The following ZNF469 variants were observed in gnomAD, a reference collection of about 807,000 sequenced individuals.
ZNF469 encodes zinc finger protein 469.
In ZNF469, 1 loss-of-function variant was observed where a neutral mutation model predicts 1.0. The observed-to-expected ratio is 1.00, with a 90% CI of 0.35 to 4.73. ZNF469 has a LOEUF of 4.73. Among genes scored for constraint, ZNF469 ranks in the 30% most tolerant of loss-of-function variants. The probability of loss-of-function intolerance (pLI) is 0.16; values close to 1 mark genes in which losing one functional copy is unlikely to be tolerated. For synonymous variants in ZNF469, 2,703 were observed against 2,363.4 expected (o/e 1.14, Z -4.17); for missense variants, 6,100 against 5,356.3 (o/e 1.14, Z -4.33).
chr16:88,291,382 C>T, the ZNF469 span, among the ~76,000 whole-genome samples: 47 of 152,292 alleles, frequency 3.1e-4, 2 homozygotes, highest in South Asian at 7.7e-3. Context: ...AGCTATCGGA[C>T]GTAGAAGCAG....
the ZNF469 span, among the ~76,000 whole-genome samples, chr16:88,183,973 C>T: frequency 1.2e-4 from 18 of 152,004 alleles, no homozygotes; most frequent in East Asian, 3.3e-3. Context: ...TTCCTTGCCA[C>T]CCCAGCCCTT....
chr16:88,216,355 G>A, the ZNF469 span, among the ~76,000 whole-genome samples: 6 of 152,138 alleles, frequency 3.9e-5, no homozygotes, highest in East Asian at 1.9e-4. Flanking sequence ...TTAGCCGGGC[G>A]CGGTGGTGGG....
At chr16:88,207,626 C>T in the ZNF469 span, among the ~76,000 whole-genome samples, 1 of 151,350 alleles carries the variant, frequency 6.6e-6, no homozygotes, top group Non-Finnish European at 1.5e-5. Flanking sequence ...AAATCAGCCT[C>T]CCCTAGACAT....
the ZNF469 span, among the ~76,000 whole-genome samples, chr16:88,347,017 G>A: frequency 2.0e-5 from 3 of 152,224 alleles, no homozygotes; most frequent in Admixed American, 2.0e-4. Flanking sequence ...GCTGGTTCTG[G>A]GGGGAAGTAA....
At chr16:88,110,369 G>A in the ZNF469 span, among the ~76,000 whole-genome samples, 1 of 152,274 alleles carries the variant, frequency 6.6e-6, no homozygotes, top group Admixed American at 6.5e-5. Context: ...GCTCACGCCG[G>A]ACTGAACTGG....
In ZNF469 at chr16:88,435,871, G is replaced by A. The variant is rs555522972; in HGVS notation, c.8401G>A (p.Gly2801Ser). Residue 2801 changes from glycine to serine, a missense_variant, in exon 3 of 3, where the codon GGT becomes AGT. Gly to Ser is a moderately conservative substitution (Grantham distance 56, BLOSUM62 0). Coordinates refer to ENST00000565624, the MANE Select transcript of ZNF469 (RefSeq NM_001367624.2). ...EENTPPLGPL[G>S]FPETSSSPAD... ...GAACACGCCCCCCTTGGGCCCCCTGGGTTTTCCCGAGACTTCCAGCTCTCC... is the reference window on the plus strand; with the variant it reads ...GAACACGCCCCCCTTGGGCCCCCTGAGTTTTCCCGAGACTTCCAGCTCTCC... 1 of 1,550,230 alleles carries A rather than the reference G, an allele frequency of 6.5e-7. No individual in the cohort carries two copies. The highest frequency in any genetic ancestry group is 8.7e-7 in the Non-Finnish European group (1 of 1,146,964).
the ZNF469 span, among the ~76,000 whole-genome samples, chr16:88,167,612 G>T: frequency 6.6e-6 from 1 of 152,164 alleles, no homozygotes; most frequent in Admixed American, 6.5e-5. Context: ...TGGTAGGGAG[G>T]TTTCCAAGGT....
At chr16:88,346,645 G>A in the ZNF469 span, among the ~76,000 whole-genome samples, 1 of 152,182 alleles carries the variant, frequency 6.6e-6, no homozygotes, top group Non-Finnish European at 1.5e-5. Context: ...TGCCTCCCGA[G>A]TAGCTGGGAC....
chr16:88,340,963 A>G, the ZNF469 span, among the ~76,000 whole-genome samples: 14 of 151,972 alleles, frequency 9.2e-5, no homozygotes, highest in Non-Finnish European at 1.5e-5. Context: ...CTGCAGAGAG[A>G]GCCCGGGGCC....
the ZNF469 span, among the ~76,000 whole-genome samples, chr16:88,204,854 G>A: frequency 6.6e-6 from 1 of 152,214 alleles, no homozygotes; most frequent in African/African-American, 2.4e-5. Flanking sequence ...TTCAGACGTG[G>A]AAAAGGGGGT....
chr16:88,273,139 G>C, the ZNF469 span, among the ~76,000 whole-genome samples: 1 of 152,120 alleles, frequency 6.6e-6, no homozygotes, highest in Non-Finnish European at 1.5e-5. Context: ...CTGGATGAGT[G>C]AGTGGGTGGA....
At chr16:88,396,031 C>G (rs192238173) in intron 1 of ZNF469, among the ~76,000 whole-genome samples, 7 of 152,244 alleles carry the variant, frequency 4.6e-5, no homozygotes, top group Admixed American at 4.6e-4. Flanking sequence ...GGTCTGAGGG[C>G]GGACACGGGA....
the ZNF469 span, among the ~76,000 whole-genome samples, chr16:88,104,543 G>A: frequency 4.4e-3 from 668 of 152,320 alleles, 4 homozygotes; most frequent in African/African-American, 0.015. Flanking sequence ...TCCTGGAGTC[G>A]TCAGCTCTGG....
the ZNF469 span, among the ~76,000 whole-genome samples, chr16:88,168,442 C>T: frequency 1.3e-5 from 2 of 152,184 alleles, no homozygotes; most frequent in East Asian, 1.9e-4. The surrounding 1 kb of genome is among the most constrained non-coding windows in gnomAD (Gnocchi z 4.3). Context: ...TGGGCTGGCT[C>T]ATCAGTGATT....
At chr16:88,330,425 C>T in the ZNF469 span, among the ~76,000 whole-genome samples, 3 of 152,258 alleles carry the variant, frequency 2.0e-5, no homozygotes, top group African/African-American at 7.2e-5. Context: ...AGGCTCCTAC[C>T]CTGAGAGCGG....
chr16:88,427,402 G>T lies in ZNF469; in HGVS notation c.-69G>T. 1 of 1,410,722 alleles carries T rather than the reference G, an allele frequency of 7.1e-7. No homozygotes were observed. The highest frequency in any genetic ancestry group is 9.3e-7 in the Non-Finnish European group (1 of 1,078,338). The allele number at this position is 1,410,722 out of a possible 1,614,324, so 87.4% of individuals were successfully genotyped here. ...TGGGGCCCATCGAGGGCTGAGGATG[G>T]CCGTCCAGCCCACTCCCCAGGGCCC... On this transcript the variant is annotated 5_prime_UTR_variant, in exon 3 of 3. Coordinates refer to ENST00000565624, the MANE Select transcript of ZNF469 (RefSeq NM_001367624.2).
chr16:88,240,216 G>A, the ZNF469 span, among the ~76,000 whole-genome samples: 573 of 152,352 alleles, frequency 3.8e-3, 2 homozygotes, highest in African/African-American at 0.013. Context: ...AGGTCAGGAC[G>A]TGTCTTCTCA....
the ZNF469 span, among the ~76,000 whole-genome samples, chr16:88,122,134 C>A: frequency 6.9e-6 from 1 of 145,466 alleles, no homozygotes. Context: ...GCCACAGTGG[C>A]CACTCAGATC....
chr16:88,434,737 C>T lies in ZNF469; in HGVS notation c.7267C>T (p.Pro2423Ser), dbSNP rs199727372. ...STASDFQSDSPQSHRNASHQT... is the reference protein window; with the variant it reads ...STASDFQSDSSQSHRNASHQT... The stretch of plus-strand genomic sequence containing the variant: ...AGCCAGTGACTTCCAGTCTGACTCC[C>T]CCCAAAGCCACAGAAATGCCTCCCA... The change falls in exon 3 of 3, where the codon CCC (proline) becomes TCC (serine). Residue 2423 changes from proline to serine, a missense_variant. Physicochemically the swap from Pro to Ser is moderately conservative, Grantham distance 74 (BLOSUM62 -1). Transcript: ENST00000565624. The T allele has an allele frequency of 1.9e-6, 3 of 1,550,416 alleles. No homozygotes were observed. Among genetic ancestry groups the T allele is most frequent in the Admixed American group, 3.9e-5 (2 of 51,014 alleles).
Sources: gnomAD v4.1 joint callset for allele counts (sites outside exome capture counted in the v4.1 genomes callset) on GRCh38, gnomAD v4.1.1 for gene constraint, Gnocchi (gnomAD v3.1) non-coding constraint, MANE v1.5 for transcripts, NCBI Gene and HGNC (gene_info 2026-07-23, HGNC 2026-07-21) for gene names.